Variants in EGF observed in about 807,000 individuals in gnomAD.
The protein encoded by EGF is epidermal growth factor, also known as pro-epidermal growth factor.
A neutral mutation model predicts 143.8 loss-of-function variants in EGF; 95 were observed. The observed-to-expected ratio is 0.66, with a 90% CI of 0.56 to 0.78. The LOEUF is 0.78. Among genes scored for constraint, EGF ranks in the 30% least tolerant of loss-of-function variants. The pLI, the probability that EGF is intolerant of heterozygous loss-of-function variation, is 0.00. For synonymous variants in EGF, 510 were observed against 510.5 expected, an observed-to-expected ratio of 1.00 and a Z score of 0.01; for missense variants, 1,320 against 1,470.9, an observed-to-expected ratio of 0.90 and a Z score of 1.68.
chr4:109,985,957 G>C (rs1750052814), intron 16 of EGF, among the ~76,000 whole-genome samples: 1 of 152,152 alleles, frequency 6.6e-6, no homozygotes, highest in Non-Finnish European at 1.5e-5. Flanking sequence ...GTATCAAAGA[G>C]AGTTTGATCA....
At chr4:109,984,265 T>C (rs1749807227) in intron 16 of EGF, among the ~76,000 whole-genome samples, 1 of 150,264 alleles carries the variant, frequency 6.7e-6, no homozygotes. Flanking sequence ...AAAAGGAAAA[T>C]ATTTCAAAAC....
chr4:109,987,856 T>A lies in EGF; in HGVS notation c.2604T>A (p.Cys868Ter). The part of the protein sequence containing the change: ...LKGFAGDGKL[C>*]SDIDECEMGV... The stretch of plus-strand genomic sequence containing the variant: ...GATTTGCTGGGGATGGAAAACTATG[T>A]TCTGGTAAGAGAAAAGGGCAAATTC... Residue 868 changes from cysteine (C) to a stop codon, truncating the protein, a stop_gained, in exon 17 of 24, where the codon TGT (cysteine) becomes TGA (stop). Transcript: ENST00000265171. LOFTEE classifies it high-confidence loss of function. The A allele has an allele frequency of 6.2e-7, 1 of 1,612,616 alleles. No homozygotes were observed.
At position 109,980,038 on chromosome 4, in the gene EGF, T is replaced by C; in HGVS notation, c.2120T>C (p.Val707Ala). The change falls in exon 14 of 24, where the codon GTA becomes GCA. Residue 707 changes from valine to alanine, a missense_variant. By Grantham distance (64) the Val-to-Ala change is moderately conservative (BLOSUM62 0). Around this residue, in one of 5 missense-constraint regions of EGF, gnomAD observed 1,186 missense variants for 1,313.7 expected, o/e 0.90. Transcript: ENST00000265171. ...VWFSDWAMPS[V>A]MRVNKRTGKD... ...TTCTCAGATTGGGCTATGCCATCAGTAATGAGAGTAAACAAGAGGACTGGC... is the reference window on the plus strand; with the variant it reads ...TTCTCAGATTGGGCTATGCCATCAGCAATGAGAGTAAACAAGAGGACTGGC... 1.9e-6 allele frequency: 3 copies of C among 1,614,000 alleles called. No homozygotes were observed. Among genetic ancestry groups the C allele is most frequent in the Non-Finnish European group, 2.5e-6 (3 of 1,179,940 alleles).
Position 109,960,879 on chromosome 4 carries a change from G to A in EGF, c.1079G>A (p.Cys360Tyr), listed in dbSNP as rs1185124983. The A allele has an allele frequency of 6.2e-7, 1 of 1,613,918 alleles. No individual in the cohort carries two copies. The highest frequency in any genetic ancestry group is 2.2e-5 in the East Asian group (1 of 44,870). Residue 360 changes from cysteine to tyrosine, a missense_variant, in exon 7 of 24, where the codon TGT becomes TAT. Transcript: ENST00000265171. The part of the protein sequence containing the change: ...DRKYCEDVNE[C>Y]AFWNHGCTLG... ...TGTCATTGTGCAGATGTTAATGAAT[G>A]TGCTTTTTGGAATCATGGCTGTACT...
At chr4:110,004,458 T>A in intron 21 of EGF, 47 bp from the exon 22 acceptor site, 1 of 1,516,742 alleles carries the variant, frequency 6.6e-7, no homozygotes, top group Non-Finnish European at 9.2e-7. Flanking sequence ...GTGGGCTGAG[T>A]ATTTTGTTTT....
intron 1 of EGF, among the ~76,000 whole-genome samples, chr4:109,925,532 C>A (rs563949289): frequency 2.6e-5 from 4 of 152,128 alleles, no homozygotes; most frequent in Non-Finnish European, 4.4e-5. Context: ...AACCAAGACA[C>A]GGAGAGGTTA....
At chr4:109,933,558 G>C (rs937528794) in intron 1 of EGF, among the ~76,000 whole-genome samples, 1 of 151,720 alleles carries the variant, frequency 6.6e-6, no homozygotes, top group South Asian at 2.1e-4. Context: ...TTCTCCCAAC[G>C]CTATCCCTCC....
chr4:110,008,088 T>C (rs1276268389), intron 22 of EGF, 64 bp from the exon 23 acceptor site: 7 of 1,422,340 alleles, frequency 4.9e-6, no homozygotes, highest in Non-Finnish European at 7.0e-6. Context: ...TTTGATTCAA[T>C]GTACGTTGAG....
intron 1 of EGF, among the ~76,000 whole-genome samples, chr4:109,915,437 C>T (rs949891817): frequency 2.0e-5 from 3 of 152,116 alleles, no homozygotes; most frequent in Non-Finnish European, 4.4e-5. Flanking sequence ...TCAAGTCATA[C>T]GATGAGATGC....
chr4:109,967,646 T>C (rs777817603), intron 10 of EGF, among the ~76,000 whole-genome samples: 3 of 152,166 alleles, frequency 2.0e-5, no homozygotes, highest in Non-Finnish European at 4.4e-5. Context: ...AACAGTCTTA[T>C]GGAAATTCTT....
intron 5 of EGF, among the ~76,000 whole-genome samples, chr4:109,953,314 A>G (rs895036185): frequency 6.6e-6 from 1 of 152,178 alleles, no homozygotes; most frequent in African/African-American, 2.4e-5. Context: ...TTTAGAAGCT[A>G]TTGATTATCA....
chr4:109,964,228 T>G (rs189384948), intron 9 of EGF, among the ~76,000 whole-genome samples, 173 bp from the exon 10 acceptor site: 1 of 152,316 alleles, frequency 6.6e-6, no homozygotes, highest in East Asian at 1.9e-4. Context: ...TGTCACCTCC[T>G]GGAAGAGGAC....
intron 1 of EGF, among the ~76,000 whole-genome samples, chr4:109,930,067 T>C (rs1481995069): frequency 6.6e-6 from 1 of 152,214 alleles, no homozygotes; most frequent in African/African-American, 2.4e-5. Context: ...TTCTCGCTCC[T>C]GCCGCATGTG....
chr4:109,916,742 T>C (rs539543147), intron 1 of EGF, among the ~76,000 whole-genome samples: 95 of 99,868 alleles, frequency 9.5e-4, no homozygotes, highest in African/African-American at 7.0e-3. Flanking sequence ...CGAGATTCTA[T>C]TAATGTTTTG....
At chr4:109,931,007 C>G (rs1179809931) in intron 1 of EGF, among the ~76,000 whole-genome samples, 1 of 152,190 alleles carries the variant, frequency 6.6e-6, no homozygotes, top group South Asian at 2.1e-4. Flanking sequence ...GTACTTCCCC[C>G]CTTACTGAAC....
Position 109,916,559 on chromosome 4 carries a change from T to G in EGF, c.127+3097T>G, listed in dbSNP as rs541190702. Among the ~76,000 whole-genome samples, 312 of 152,238 alleles carry G rather than the reference T, an allele frequency of 2.0e-3. 4 individuals are homozygous for G. The highest frequency in any genetic ancestry group is 7.1e-3 in the African/African-American group (296 of 41,538). On this transcript the variant is annotated intron_variant, in intron 1 of 23. Coordinates refer to ENST00000265171, the MANE Select transcript of EGF (RefSeq NM_001963.6). ...TGGCTGTGCATTAGAATCACTAATG[T>G]CTGGGTGGCCACCCCGGGCAGTCTG...
intron 1 of EGF, among the ~76,000 whole-genome samples, chr4:109,935,534 A>C (rs961225929): frequency 1.3e-5 from 2 of 152,154 alleles, no homozygotes; most frequent in Non-Finnish European, 2.9e-5. Context: ...TCCTAATTGA[A>C]TACCCTTTAT....
At chr4:109,980,742 C>T in intron 14 of EGF, 84 bp from the exon 15 acceptor site, 1 of 1,535,438 alleles carries the variant, frequency 6.5e-7, no homozygotes, top group South Asian at 1.1e-5. Context: ...GCTATAGCTC[C>T]CTAAAAGCAA....
At chr4:109,935,815 G>A (rs1244180372) in intron 1 of EGF, among the ~76,000 whole-genome samples, 12 of 152,150 alleles carry the variant, frequency 7.9e-5, no homozygotes, top group Admixed American at 7.2e-4. Flanking sequence ...TGTGGTTTTT[G>A]TCGTTGGTTC....
Sources: gnomAD v4.1 joint callset for allele counts (sites outside exome capture counted in the v4.1 genomes callset) on GRCh38, gnomAD v4.1.1 for gene constraint, gnomAD v4.1.1 regional missense constraint, MANE v1.5 for transcripts, NCBI Gene and HGNC (gene_info 2026-07-23, HGNC 2026-07-21) for gene names.